The following SAMD12 variants were observed in gnomAD, a reference collection of about 807,000 sequenced individuals.
SAMD12 encodes the protein sterile alpha motif domain containing 12.
In SAMD12, 9 loss-of-function variants were observed where a neutral mutation model predicts 15.0. That is an observed-to-expected ratio of 0.60 (90% CI 0.36 to 1.05). The LOEUF (loss-of-function observed/expected upper bound fraction) is 1.05, where lower values mean the gene tolerates loss of function less well. SAMD12 is among the 50% of genes least tolerant of loss of function. The pLI is 0.01. For missense variants in SAMD12, 230 were observed against 234.2 expected (o/e 0.98, Z 0.12); for synonymous variants, 86 against 90.1 (o/e 0.96, Z 0.25).
intron 2 of SAMD12, among the ~76,000 whole-genome samples, chr8:118,492,625 C>T (rs939136340): frequency 2.6e-5 from 4 of 152,130 alleles, no homozygotes; most frequent in Non-Finnish European, 5.9e-5. Flanking sequence ...AGCTATGTCA[C>T]TTGTATTATT....
intron 2 of SAMD12, among the ~76,000 whole-genome samples, chr8:118,504,440 T>A (rs1018847077): frequency 1.3e-5 from 2 of 152,130 alleles, no homozygotes; most frequent in Non-Finnish European, 2.9e-5. Context: ...CAGTCTGGGG[T>A]ATGTGTCTTT....
chr8:118,506,115 TAC>T lies in SAMD12; in HGVS notation c.193-66156_193-66155del, dbSNP rs1211529025. ...ATTGCTAACAGAACACTGGTCCCTA[TAC>T]ACTAGCAGTATGGATCAGGAGGCAC... On this transcript the variant is annotated intron_variant, in intron 2 of 3. Transcript: ENST00000314727. Among the ~76,000 whole-genome samples the T allele has an allele frequency of 3.3e-5, 5 of 152,272 alleles. No individual in the cohort carries two copies. The East Asian group carries it at 9.7e-4, about 29-fold the overall frequency.
At chr8:118,382,943 A>G (rs1192963023) in intron 3 of SAMD12, among the ~76,000 whole-genome samples, 1 of 152,188 alleles carries the variant, frequency 6.6e-6, no homozygotes, top group Non-Finnish European at 1.5e-5. Context: ...GTTTCTACAG[A>G]TTGATGGTTC....
chr8:118,264,444 A>G (rs1396820931), intron 4 of SAMD12, among the ~76,000 whole-genome samples: 2 of 152,176 alleles, frequency 1.3e-5, no homozygotes, highest in Non-Finnish European at 2.9e-5. Flanking sequence ...TCTAGAAAAC[A>G]TTCTGCAAGC....
chr8:118,557,179 T>TC (rs1554585490), intron 2 of SAMD12, among the ~76,000 whole-genome samples: 1 of 152,006 alleles, frequency 6.6e-6, no homozygotes, highest in Non-Finnish European at 1.5e-5. Context: ...TGGGGGCTTT[T>TC]CCCCCCATGC....
chr8:118,513,428 T>C (rs1457668480), intron 2 of SAMD12, among the ~76,000 whole-genome samples: 1 of 152,202 alleles, frequency 6.6e-6, no homozygotes, highest in Non-Finnish European at 1.5e-5. Context: ...TGTAAACTTA[T>C]AACTACCCTG....
intron 4 of SAMD12, among the ~76,000 whole-genome samples, chr8:118,329,036 G>A (rs1037273138): frequency 2.0e-5 from 3 of 152,224 alleles, no homozygotes; most frequent in East Asian, 1.9e-4. Context: ...AAACAGCCTC[G>A]AATTGAGGAA....
At chr8:118,284,381 A>C in intron 4 of SAMD12, 1 of 454,506 alleles carries the variant, frequency 2.2e-6, no homozygotes, top group South Asian at 1.5e-5. Flanking sequence ...ATTGGACAAG[A>C]ATCAGAATAT....
At chr8:118,495,343 G>T (rs1824579062) in intron 2 of SAMD12, among the ~76,000 whole-genome samples, 1 of 152,062 alleles carries the variant, frequency 6.6e-6, no homozygotes, top group Non-Finnish European at 1.5e-5. Flanking sequence ...ATGACATCAT[G>T]GCATTCACTT....
At chr8:118,365,439 C>T (rs190069694) in intron 4 of SAMD12, among the ~76,000 whole-genome samples, 3 of 152,184 alleles carry the variant, frequency 2.0e-5, no homozygotes, top group Admixed American at 6.6e-5. Flanking sequence ...AGAACATGAA[C>T]GAAACAAAAA....
intron 2 of SAMD12, among the ~76,000 whole-genome samples, chr8:118,558,559 T>A (rs550910880): frequency 2.6e-5 from 4 of 151,968 alleles, no homozygotes; most frequent in African/African-American, 4.8e-5. Context: ...TTTTTGTTTT[T>A]TTTGTTTGTT....
rs756598716 is a variant in SAMD12, at chr8:118,580,743, C to T, written c.164G>A (p.Arg55Gln). 31 of 1,612,890 alleles carry T rather than the reference C, an allele frequency of 1.9e-5. No homozygotes were observed. Among genetic ancestry groups the T allele is most frequent in the East Asian group, 4.5e-5 (2 of 44,886 alleles). Reference sequence around the variant, plus strand: ...AGCCGTCTCAGCTTCTGCCTGCAGTCGCTTGGGAGTTCCTTTCTGGTCAGG... The same window carrying T: ...AGCCGTCTCAGCTTCTGCCTGCAGTTGCTTGGGAGTTCCTTTCTGGTCAGG... ...KVPDQKGTPK[R>Q]LQAEAETAKS... is the part of the protein sequence containing the mutation. The change falls in exon 2 of 4, where the codon CGA becomes CAA. Residue 55 changes from arginine (R) to glutamine (Q), a missense_variant. Coordinates refer to ENST00000314727, the MANE Select transcript of SAMD12 (RefSeq NM_207506.3).
chr8:118,542,989 G>C (rs1586802463), intron 2 of SAMD12, among the ~76,000 whole-genome samples: 2 of 151,964 alleles, frequency 1.3e-5, no homozygotes, highest in Middle Eastern at 3.4e-3. Flanking sequence ...GAAGGAAAGA[G>C]GGAGGCGAGA....
intron 4 of SAMD12, among the ~76,000 whole-genome samples, chr8:118,328,174 T>C (rs959580451): frequency 6.6e-6 from 1 of 152,156 alleles, no homozygotes; most frequent in Non-Finnish European, 1.5e-5. Context: ...TGCCTTACTT[T>C]TAGGCTGAAA....
intron 4 of SAMD12, among the ~76,000 whole-genome samples, chr8:118,295,429 A>G (rs1182593378): frequency 6.6e-6 from 1 of 152,210 alleles, no homozygotes; most frequent in Non-Finnish European, 1.5e-5. Context: ...ATATGAAGAT[A>G]AGATCATGTC....
intron 2 of SAMD12, among the ~76,000 whole-genome samples, chr8:118,472,063 G>A (rs1203247113): frequency 6.6e-6 from 1 of 152,146 alleles, no homozygotes; most frequent in Non-Finnish European, 1.5e-5. Context: ...CGAGGCGGGT[G>A]AATCACGAGG....
chr8:118,177,477 C>G, the SAMD12 span, among the ~76,000 whole-genome samples: 1 of 152,088 alleles, frequency 6.6e-6, no homozygotes, highest in African/African-American at 2.4e-5. Flanking sequence ...CTCCTGGGCT[C>G]AAGCAATTCT....
chr8:118,490,368 T>A (rs1186242880), intron 2 of SAMD12, among the ~76,000 whole-genome samples: 1 of 152,144 alleles, frequency 6.6e-6, no homozygotes, highest in Non-Finnish European at 1.5e-5. Context: ...AACTACCAAG[T>A]GTTATTCGTG....
At chr8:118,444,503 A>G (rs1392062647) in intron 2 of SAMD12, among the ~76,000 whole-genome samples, 8 of 151,278 alleles carry the variant, frequency 5.3e-5, no homozygotes, top group African/African-American at 1.9e-4. Context: ...TATGCAAAAT[A>G]CACATTCCTG....
Sources: gnomAD v4.1 joint callset for allele counts (sites outside exome capture counted in the v4.1 genomes callset) on GRCh38, gnomAD v4.1.1 for gene constraint, MANE v1.5 for transcripts, NCBI Gene and HGNC (gene_info 2026-07-23, HGNC 2026-07-21) for gene names.